Variants in DAB1 observed in about 807,000 individuals in gnomAD.
DAB1 encodes disabled homolog 1.
In DAB1, 15 loss-of-function variants were observed where a neutral mutation model predicts 64.6. The ratio of observed to expected loss-of-function variants is 0.23; its 90% CI spans 0.16 to 0.36. The LOEUF (loss-of-function observed/expected upper bound fraction) is 0.36. Ranked by LOEUF, DAB1 falls within the 10% of genes least tolerant of loss-of-function variation. The pLI is 1.00. For synonymous variants in DAB1, 235 were observed against 251.9 expected (o/e 0.93, Z 0.64); for missense variants, 596 against 706.7 (o/e 0.84, Z 1.78).
chr1:57,781,435 C>T (rs1039844032), intron 6 of DAB1, among the ~76,000 whole-genome samples: 1 of 151,690 alleles, frequency 6.6e-6, no homozygotes, highest in Non-Finnish European at 1.5e-5. Flanking sequence ...AACCTGACAA[C>T]AGCTATTATT....
intron 4 of DAB1, among the ~76,000 whole-genome samples, chr1:58,266,676 T>G (rs1661170680): frequency 6.6e-6 from 1 of 152,208 alleles, no homozygotes; most frequent in Admixed American, 6.5e-5. Flanking sequence ...AAGAATCCTA[T>G]GAATCCATGG....
chr1:57,886,378 C>T (rs1400759161), upstream of DAB1, among the ~76,000 whole-genome samples: 14 of 152,070 alleles, frequency 9.2e-5, no homozygotes, highest in African/African-American at 3.4e-4. Flanking sequence ...AGGCTGGTCT[C>T]GAACTCCTGA....
chr1:58,275,258 G>T (rs1375463182), intron 4 of DAB1, among the ~76,000 whole-genome samples: 1 of 152,166 alleles, frequency 6.6e-6, no homozygotes, highest in East Asian at 1.9e-4. Context: ...AGAGCTTCGT[G>T]ACATTAATTT....
Position 58,046,323 on chromosome 1 carries a change from C to T in DAB1, n.387+104188G>A, listed in dbSNP as rs367857616. On this transcript the variant is annotated intron_variant and non_coding_transcript_variant, in intron 5 of 20. Coordinates refer to the DAB1 transcript ENST00000485760. ...ACTAACTTCTTTTCTCAAAGCTAAGCAAACTGAGGCAAAGGACATCACGGC... is the reference window on the plus strand; with the variant it reads ...ACTAACTTCTTTTCTCAAAGCTAAGTAAACTGAGGCAAAGGACATCACGGC... 2.5e-3 allele frequency among the ~76,000 whole-genome samples: 375 copies of T among 152,306 alleles called. 12 individuals are homozygous for T. In the South Asian group the frequency reaches 0.074, roughly 30 times the overall value.
intron 4 of DAB1, among the ~76,000 whole-genome samples, chr1:58,208,766 T>C (rs1160564986): frequency 6.6e-6 from 1 of 152,228 alleles, no homozygotes; most frequent in East Asian, 1.9e-4. Flanking sequence ...TGCAGGCGTC[T>C]TTCTCATATA....
chr1:58,523,240 A>T (rs1201119558), intron 2 of DAB1, among the ~76,000 whole-genome samples: 1 of 152,176 alleles, frequency 6.6e-6, no homozygotes, highest in African/African-American at 2.4e-5. Context: ...TGCCATATCC[A>T]TAATCTTTTC....
intron 5 of DAB1, among the ~76,000 whole-genome samples, chr1:58,053,685 G>A (rs1025945749): frequency 1.3e-5 from 2 of 152,182 alleles, no homozygotes; most frequent in African/African-American, 4.8e-5. Context: ...TGGAAATATA[G>A]TAAAGATAAT....
At chr1:57,046,329 TA>T (rs1648490730) in intron 9 of DAB1, among the ~76,000 whole-genome samples, 1 of 152,246 alleles carries the variant, frequency 6.6e-6, no homozygotes, top group African/African-American at 2.4e-5. Flanking sequence ...GCCTCCTTTC[TA>T]AGTCACTGCA....
At chr1:57,687,176 G>A (rs1646707829) in intron 6 of DAB1, among the ~76,000 whole-genome samples, 1 of 152,124 alleles carries the variant, frequency 6.6e-6, no homozygotes, top group South Asian at 2.1e-4. Flanking sequence ...TACTAGAACT[G>A]ATAATTGACT....
intron 1 of DAB1, among the ~76,000 whole-genome samples, chr1:57,305,416 C>T (rs778671645): frequency 2.0e-5 from 3 of 152,170 alleles, no homozygotes; most frequent in African/African-American, 4.8e-5. Context: ...GGCTAATCCC[C>T]GTAAGTGGCC....
At chr1:58,024,302 G>A (rs891959413) in intron 5 of DAB1, among the ~76,000 whole-genome samples, 1 of 151,390 alleles carries the variant, frequency 6.6e-6, no homozygotes, top group Non-Finnish European at 1.5e-5. Flanking sequence ...AAGAAGCTCG[G>A]GGTTTGAGTT....
At chr1:57,056,416 G>GAGCATTTGA (rs1351435438) in intron 9 of DAB1, among the ~76,000 whole-genome samples, 3 of 146,896 alleles carry the variant, frequency 2.0e-5, no homozygotes, top group South Asian at 2.2e-4. Context: ...GAGGCAGGAG[G>GAGCATTTGA]AGCATTTGAG....
intron 4 of DAB1, among the ~76,000 whole-genome samples, chr1:57,097,538 A>G (rs1272333153): frequency 6.6e-6 from 1 of 152,166 alleles, no homozygotes; most frequent in Non-Finnish European, 1.5e-5. Context: ...AGCTGGAAAT[A>G]TGGAGGACTA....
rs371769997 is a variant in DAB1 at position 57,569,892 on chromosome 1, C to T, written n.625+79700G>A. ...GGGGATTGGTGCATTTCCCGTTGTA[C>T]GAAGGATAGTTGTATTATGTTAGGT... is the stretch of plus-strand genomic sequence containing the variant. On this transcript the variant is annotated intron_variant and non_coding_transcript_variant, in intron 7 of 20. Coordinates refer to the DAB1 transcript ENST00000485760. Among the ~76,000 whole-genome samples the T allele has an allele frequency of 1.0e-3, 156 of 152,066 alleles. 1 individual carries two copies. The highest frequency in any genetic ancestry group is 6.8e-3 in the Middle Eastern group (2 of 294).
chr1:58,487,562 C>G (rs745864803), intron 3 of DAB1, among the ~76,000 whole-genome samples: 1 of 152,152 alleles, frequency 6.6e-6, no homozygotes, highest in African/African-American at 2.4e-5. Flanking sequence ...CTCTGAACTT[C>G]TGAAAAAATT....
intron 2 of DAB1, among the ~76,000 whole-genome samples, chr1:57,224,277 G>A (rs890456251): frequency 8.5e-5 from 13 of 152,110 alleles, no homozygotes; most frequent in Non-Finnish European, 1.5e-5. Context: ...CATGATTTGA[G>A]CCCTTAATTA....
intron 5 of DAB1, among the ~76,000 whole-genome samples, chr1:57,921,489 C>T (rs1197506610): frequency 6.6e-6 from 1 of 152,174 alleles, no homozygotes; most frequent in Non-Finnish European, 1.5e-5. Flanking sequence ...ACACATCCCT[C>T]TCCTTGTCTC....
intron 5 of DAB1, among the ~76,000 whole-genome samples, chr1:57,976,247 C>T (rs979105736): frequency 2.0e-5 from 3 of 152,188 alleles, no homozygotes; most frequent in Non-Finnish European, 4.4e-5. Context: ...CAGGCTACCT[C>T]ACATGATAGA....
At chr1:58,517,999 C>G (rs2100443198) in intron 2 of DAB1, among the ~76,000 whole-genome samples, 1 of 151,330 alleles carries the variant, frequency 6.6e-6, no homozygotes, top group Admixed American at 6.6e-5. Context: ...CCAGCCTGCC[C>G]AACATGGAGA....
Sources: allele counts gnomAD v4.1 joint callset (sites outside exome capture counted in the v4.1 genomes callset), GRCh38; gene constraint gnomAD v4.1.1; transcripts MANE v1.5; gene names NCBI Gene and HGNC (gene_info 2026-07-23, HGNC 2026-07-21).